SLC36A1: variants seen among roughly 807,000 people sequenced by gnomAD.
The protein encoded by SLC36A1 is proton-coupled amino acid transporter 1.
SLC36A1 carries 30 observed loss-of-function variants against 47.5 expected under a neutral mutation model. The ratio of observed to expected loss-of-function variants is 0.63; its 90% CI spans 0.47 to 0.86. The LOEUF is 0.86. Among genes scored for constraint, SLC36A1 ranks in the 40% least tolerant of loss-of-function variants. SLC36A1 has a pLI of 0.00. For missense variants in SLC36A1, 517 were observed against 606.0 expected (o/e 0.85, Z 1.54); for synonymous variants, 255 against 249.7 (o/e 1.02, Z -0.20).
chr5:151,356,157 G>GGAGAAACC, the SLC36A1 span, among the ~76,000 whole-genome samples: 4 of 151,574 alleles, frequency 2.6e-5, no homozygotes, highest in African/African-American at 7.3e-5. Flanking sequence ...TGGTCAACAT[G>GGAGAAACC]GAGAAACCCC....
At chr5:151,530,809 G>A in the SLC36A1 span, among the ~76,000 whole-genome samples, 1 of 152,220 alleles carries the variant, frequency 6.6e-6, no homozygotes, top group African/African-American at 2.4e-5. Context: ...AGGGTAAAGA[G>A]GAAACCAGGC....
At chr5:151,404,647 T>G in the SLC36A1 span, among the ~76,000 whole-genome samples, 1 of 152,210 alleles carries the variant, frequency 6.6e-6, no homozygotes, top group African/African-American at 2.4e-5. Flanking sequence ...TAGAAAATAT[T>G]TTCTTTCTCC....
At chr5:151,530,556 A>G in the SLC36A1 span, among the ~76,000 whole-genome samples, 3 of 152,254 alleles carry the variant, frequency 2.0e-5, no homozygotes, top group Non-Finnish European at 4.4e-5. Flanking sequence ...GACACTTAAA[A>G]TCTTGCATAT....
At chr5:151,382,436 G>A in the SLC36A1 span, 2 of 606,394 alleles carry the variant, frequency 3.3e-6, no homozygotes, top group Non-Finnish European at 5.9e-6. Context: ...GGATAGATGT[G>A]TTAGTCTTCT....
At chr5:151,538,227 T>C in the SLC36A1 span, among the ~76,000 whole-genome samples, 1 of 151,962 alleles carries the variant, frequency 6.6e-6, no homozygotes, top group African/African-American at 2.4e-5. Flanking sequence ...AAAGAGAGAA[T>C]GGAGAAGTTC....
the SLC36A1 span, among the ~76,000 whole-genome samples, chr5:151,531,385 A>T: frequency 5.3e-5 from 8 of 152,112 alleles, no homozygotes; most frequent in Admixed American, 4.6e-4. The surrounding 1 kb of genome is among the most constrained non-coding windows in gnomAD (Gnocchi z 5.7). Context: ...GTCCCGTTTA[A>T]GGGAGGCTCC....
chr5:151,554,584 T>C, the SLC36A1 span: 2 of 1,614,016 alleles, frequency 1.2e-6, no homozygotes, highest in Non-Finnish European at 1.7e-6. Context: ...TGTGGGAGAA[T>C]ATAGGTGGAT....
chr5:151,408,732 T>G, the SLC36A1 span, among the ~76,000 whole-genome samples: 1 of 152,218 alleles, frequency 6.6e-6, no homozygotes, highest in African/African-American at 2.4e-5. Context: ...GAATGCAGAA[T>G]TCTGGAGTCT....
the SLC36A1 span, among the ~76,000 whole-genome samples, chr5:151,389,412 A>ATT: frequency 3.3e-5 from 5 of 151,168 alleles, no homozygotes; most frequent in East Asian, 3.9e-4. Context: ...TTTTCTTTTA[A>ATT]TTTTTTTTTA....
At chr5:151,421,882 G>T in the SLC36A1 span, among the ~76,000 whole-genome samples, 6 of 152,130 alleles carry the variant, frequency 3.9e-5, no homozygotes, top group Admixed American at 2.6e-4. Context: ...GAGCCACCGC[G>T]CCCGGCTGTC....
the SLC36A1 span, among the ~76,000 whole-genome samples, chr5:151,403,217 A>T: frequency 4.6e-5 from 7 of 152,028 alleles, no homozygotes; most frequent in African/African-American, 1.7e-4. Flanking sequence ...CACTGTTTTC[A>T]TCTATTTCAA....
At chr5:151,403,121 T>C in the SLC36A1 span, among the ~76,000 whole-genome samples, 1 of 152,326 alleles carries the variant, frequency 6.6e-6, no homozygotes, top group East Asian at 1.9e-4. Flanking sequence ...GAGATCTTTC[T>C]AGCTTCTTGG....
the SLC36A1 span, among the ~76,000 whole-genome samples, chr5:151,414,995 G>C: frequency 6.6e-6 from 1 of 152,110 alleles, no homozygotes; most frequent in African/African-American, 2.4e-5. Flanking sequence ...TATGTTTCCA[G>C]GCAGAGCCTT....
At chr5:151,515,266 C>G in the SLC36A1 span, among the ~76,000 whole-genome samples, 1 of 152,208 alleles carries the variant, frequency 6.6e-6, no homozygotes. Flanking sequence ...TACTCATGTT[C>G]AGTCTCCTTT....
intron 10 of SLC36A1, among the ~76,000 whole-genome samples, chr5:151,485,810 T>C (rs76177397): frequency 0.018 from 2,692 of 152,324 alleles, 36 homozygotes; most frequent in Non-Finnish European, 0.027. Flanking sequence ...AATGGAAATG[T>C]CCCATGTGTG....
chr5:151,486,261 A>G (rs1759522536), intron 10 of SLC36A1, among the ~76,000 whole-genome samples: 2 of 152,108 alleles, frequency 1.3e-5, no homozygotes, highest in Admixed American at 1.3e-4. Flanking sequence ...TCTCTCAGGG[A>G]GGGCCCCAAG....
In SLC36A1 at chr5:151,488,622, C is replaced by T. The variant is rs141112116; in HGVS notation, c.*368C>T. 6.8e-4 allele frequency: 146 copies of T among 213,574 alleles called. No individual in the cohort carries two copies. Among genetic ancestry groups the T allele is most frequent in the African/African-American group, 3.1e-3 (135 of 43,958 alleles). 13.2% of individuals were successfully genotyped at this position (213,574 alleles called of 1,614,324 possible). On this transcript the variant is annotated 3_prime_UTR_variant, in exon 11 of 11. Coordinates refer to ENST00000243389, the MANE Select transcript of SLC36A1 (RefSeq NM_078483.4). ...TTTATTTAACAATTTTCATGTCCCC[C>T]ACCTCATGTTTTCACCTTTTCTGGG...
chr5:151,545,423 C>G, the SLC36A1 span: 1 of 1,614,190 alleles, frequency 6.2e-7, no homozygotes, highest in Admixed American at 1.7e-5. Context: ...TAATTGACTT[C>G]TGAGTCTTCA....
At chr5:151,466,751 G>A (rs897877501) in intron 5 of SLC36A1, among the ~76,000 whole-genome samples, 2 of 152,184 alleles carry the variant, frequency 1.3e-5, no homozygotes, top group Admixed American at 6.5e-5. Flanking sequence ...GATGTGTAGA[G>A]AGGATGCTAA....
Sources: gnomAD v4.1 joint callset for allele counts (sites outside exome capture counted in the v4.1 genomes callset) on GRCh38, gnomAD v4.1.1 for gene constraint, Gnocchi (gnomAD v3.1) non-coding constraint, MANE v1.5 for transcripts, NCBI Gene and HGNC (gene_info 2026-07-23, HGNC 2026-07-21) for gene names.